The following PDE4D variants were observed in gnomAD, a reference collection of about 807,000 sequenced individuals.
PDE4D encodes the protein 3',5'-cyclic-AMP phosphodiesterase 4D.
A neutral mutation model predicts 87.4 loss-of-function variants in PDE4D; 24 were observed. That is an observed-to-expected ratio of 0.27 (90% CI 0.20 to 0.39). The LOEUF (loss-of-function observed/expected upper bound fraction) is 0.39. Ranked by LOEUF, PDE4D falls within the 10% of genes least tolerant of loss-of-function variation. PDE4D has a pLI of 1.00. For missense variants in PDE4D, 714 were observed against 1,041.0 expected (o/e 0.69, Z 4.32); for synonymous variants, 384 against 383.2 (o/e 1.00, Z -0.02).
chr5:60,003,322 A>G (rs966373597), intron 2 of PDE4D, among the ~76,000 whole-genome samples: 1 of 152,198 alleles, frequency 6.6e-6, no homozygotes, highest in Non-Finnish European at 1.5e-5. Flanking sequence ...TGCAATCCTT[A>G]TCAAAATTTC....
chr5:59,837,934 G>A (rs1297837695), intron 1 of PDE4D, among the ~76,000 whole-genome samples: 1 of 151,962 alleles, frequency 6.6e-6, no homozygotes, highest in Non-Finnish European at 1.5e-5. Flanking sequence ...TACTTTCAAG[G>A]ATTTCATTAA....
chr5:59,611,633 T>A (rs1382509043), intron 1 of PDE4D, among the ~76,000 whole-genome samples: 1 of 152,286 alleles, frequency 6.6e-6, no homozygotes, highest in Non-Finnish European at 1.5e-5. Context: ...TGGTACACAG[T>A]AAATGTTCCA....
intron 2 of PDE4D, among the ~76,000 whole-genome samples, chr5:60,072,513 G>A (rs1397788087): frequency 6.6e-6 from 1 of 152,012 alleles, no homozygotes; most frequent in Non-Finnish European, 1.5e-5. Flanking sequence ...TATTTAATTA[G>A]ATCCCATTTA....
At chr5:59,547,182 C>T (rs1446676295) in intron 1 of PDE4D, among the ~76,000 whole-genome samples, 2 of 152,064 alleles carry the variant, frequency 1.3e-5, no homozygotes, top group East Asian at 3.8e-4. Flanking sequence ...AAAATACTTT[C>T]AATTTTGAAG....
chr5:59,784,201 C>A (rs1166455892), intron 1 of PDE4D, among the ~76,000 whole-genome samples: 2 of 148,478 alleles, frequency 1.3e-5, no homozygotes, highest in Non-Finnish European at 3.0e-5. Flanking sequence ...TCCAAGAGAA[C>A]AAAGAGGTAC....
chr5:59,450,059 A>G (rs1475182270), intron 1 of PDE4D, among the ~76,000 whole-genome samples: 1 of 152,224 alleles, frequency 6.6e-6, no homozygotes, highest in Non-Finnish European at 1.5e-5. Flanking sequence ...ATAATGCACC[A>G]TACTGACATC....
At chr5:59,751,030 T>C (rs1194825970) in intron 1 of PDE4D, among the ~76,000 whole-genome samples, 4 of 147,064 alleles carry the variant, frequency 2.7e-5, no homozygotes, top group South Asian at 2.1e-4. Flanking sequence ...AGAAGAACAA[T>C]AGGTACACAG....
At chr5:60,507,660 A>G (rs1750383122) in intron 1 of PDE4D, among the ~76,000 whole-genome samples, 1 of 152,126 alleles carries the variant, frequency 6.6e-6, no homozygotes, top group Non-Finnish European at 1.5e-5. Context: ...AAAAAAAAAA[A>G]TCTTCTGCTA....
intron 1 of PDE4D, among the ~76,000 whole-genome samples, chr5:59,402,697 C>T (rs192995335): frequency 6.6e-5 from 10 of 152,148 alleles, no homozygotes; most frequent in Non-Finnish European, 1.0e-4. Flanking sequence ...AACTAACCCA[C>T]ACACCCCAAA....
intron 2 of PDE4D, among the ~76,000 whole-genome samples, chr5:60,169,122 C>T (rs1304636507): frequency 1.3e-5 from 2 of 151,976 alleles, no homozygotes; most frequent in African/African-American, 2.4e-5. Flanking sequence ...TTATTAATCT[C>T]CAAGAACTAT....
intron 3 of PDE4D, among the ~76,000 whole-genome samples, chr5:59,963,591 A>G (rs1413284372): frequency 6.6e-6 from 1 of 151,686 alleles, no homozygotes. Flanking sequence ...TCAAGAAGAC[A>G]AGCCTCCCCC....
intron 1 of PDE4D, among the ~76,000 whole-genome samples, chr5:59,703,885 GA>G (rs1340030684): frequency 1.3e-5 from 2 of 152,252 alleles, no homozygotes; most frequent in African/African-American, 2.4e-5. Context: ...AGGGAACCAA[GA>G]AAATGTCAGT....
intron 1 of PDE4D, among the ~76,000 whole-genome samples, chr5:60,296,142 G>A (rs80188300): frequency 1.3e-5 from 2 of 152,128 alleles, no homozygotes; most frequent in Non-Finnish European, 2.9e-5. Flanking sequence ...TTGGAGGTGA[G>A]GACTTCAACA....
intron 1 of PDE4D, among the ~76,000 whole-genome samples, chr5:60,296,641 C>A (rs1351915097): frequency 6.6e-6 from 1 of 152,102 alleles, no homozygotes; most frequent in Non-Finnish European, 1.5e-5. Flanking sequence ...GACACATGCA[C>A]GTATATGTTT....
At chr5:59,098,937 G>A (rs1770259315) in intron 5 of PDE4D, among the ~76,000 whole-genome samples, 1 of 152,026 alleles carries the variant, frequency 6.6e-6, no homozygotes, top group South Asian at 2.1e-4. Flanking sequence ...ACGGGAGGAG[G>A]AGTAAAAGTG....
At chr5:60,455,347 C>T (rs1330469466) in intron 1 of PDE4D, among the ~76,000 whole-genome samples, 1 of 151,998 alleles carries the variant, frequency 6.6e-6, no homozygotes, top group Non-Finnish European at 1.5e-5. Flanking sequence ...AATTCCAGCA[C>T]AGGGCACAGG....
intron 1 of PDE4D, among the ~76,000 whole-genome samples, chr5:59,764,622 A>G (rs1463344118): frequency 6.6e-6 from 1 of 150,992 alleles, no homozygotes; most frequent in Admixed American, 6.6e-5. Flanking sequence ...ATGAAATAAC[A>G]GGATGTTTAC....
intron 1 of PDE4D, among the ~76,000 whole-genome samples, chr5:60,305,719 A>C (rs922193313): frequency 6.6e-6 from 1 of 151,734 alleles, no homozygotes; most frequent in Non-Finnish European, 1.5e-5. Flanking sequence ...AAAAAAAAAA[A>C]AAACTCTAGC....
intron 1 of PDE4D, among the ~76,000 whole-genome samples, chr5:59,821,904 C>CT (rs1189689877): frequency 2.0e-5 from 3 of 152,070 alleles, no homozygotes; most frequent in Non-Finnish European, 2.9e-5. Context: ...CTGATTTTAC[C>CT]TTTTTTTGGT....
Sources: gnomAD v4.1 joint callset for allele counts (sites outside exome capture counted in the v4.1 genomes callset) on GRCh38, gnomAD v4.1.1 for gene constraint, MANE v1.5 for transcripts, NCBI Gene and HGNC (gene_info 2026-07-23, HGNC 2026-07-21) for gene names.